SPIDR: variants seen among roughly 807,000 people sequenced by gnomAD.
SPIDR encodes scaffold protein involved in DNA repair.
Under a neutral mutation model 104.6 loss-of-function variants are expected in SPIDR, and 93 were observed. The observed-to-expected ratio is 0.89, with a 90% CI of 0.75 to 1.06. SPIDR has a LOEUF of 1.06. Ranked by LOEUF, SPIDR falls within the 50% of genes least tolerant of loss-of-function variation. The pLI is 0.00. For missense variants in SPIDR, 1,154 were observed against 1,111.2 expected (o/e 1.04, Z -0.55); for synonymous variants, 431 against 416.9 (o/e 1.03, Z -0.41).
intron 11 of SPIDR, among the ~76,000 whole-genome samples, chr8:47,683,485 G>T (rs1425380369): frequency 1.3e-5 from 2 of 152,226 alleles, no homozygotes; most frequent in Non-Finnish European, 2.9e-5. Flanking sequence ...AAAGCGCTCA[G>T]AGTAAAATGA....
At chr8:47,407,427 C>T (rs1195860050) in intron 6 of SPIDR, among the ~76,000 whole-genome samples, 1 of 152,180 alleles carries the variant, frequency 6.6e-6, no homozygotes, top group Non-Finnish European at 1.5e-5. Context: ...GTGCTGAGCT[C>T]ATTGGGAGCT....
intron 6 of SPIDR, among the ~76,000 whole-genome samples, chr8:47,398,815 G>T (rs1448114789): frequency 6.6e-6 from 1 of 152,132 alleles, no homozygotes; most frequent in Non-Finnish European, 1.5e-5. Flanking sequence ...TGCCAAAGTT[G>T]GGGTGTGGAG....
chr8:47,497,616 T>C (rs954013484), intron 8 of SPIDR, among the ~76,000 whole-genome samples: 12 of 152,206 alleles, frequency 7.9e-5, no homozygotes, highest in African/African-American at 2.9e-4. Flanking sequence ...ATGGTCTGTT[T>C]GGGAGAATGT....
At chr8:47,493,732 CAATTCTTTAAG>C (rs965889247) in intron 8 of SPIDR, among the ~76,000 whole-genome samples, 2 of 152,054 alleles carry the variant, frequency 1.3e-5, no homozygotes, top group African/African-American at 4.8e-5. Flanking sequence ...CATCTAGTGA[CAATTCTTTAAG>C]AATACTTTTG....
At chr8:47,279,061 GT>G (rs1187275785) in intron 1 of SPIDR, among the ~76,000 whole-genome samples, 4,078 of 134,540 alleles carry the variant, frequency 0.03, 113 homozygotes, top group African/African-American at 0.087. Context: ...TCACTAAAAA[GT>G]TTTTTTTTTT....
At chr8:47,330,537 T>C (rs1246604435) in intron 5 of SPIDR, among the ~76,000 whole-genome samples, 1 of 152,190 alleles carries the variant, frequency 6.6e-6, no homozygotes, top group African/African-American at 2.4e-5. Context: ...CCCTAATCTC[T>C]CGAAACCACT....
intron 16 of SPIDR, among the ~76,000 whole-genome samples, chr8:47,714,878 A>G (rs1023963739): frequency 2.0e-5 from 3 of 152,148 alleles, no homozygotes; most frequent in Admixed American, 6.5e-5. Context: ...TTGGACATCA[A>G]TCTCTACTGA....
In SPIDR at chr8:47,396,575, C is replaced by T. The variant is rs782660975; in HGVS notation, c.725C>T (p.Thr242Ile). 1.2e-6 allele frequency: 2 copies of T among 1,614,104 alleles called. No individual in the cohort carries two copies. The highest frequency in any genetic ancestry group is 1.1e-5 in the South Asian group (1 of 91,066). The change falls in exon 6 of 20, where the codon ACA (threonine) becomes ATA (isoleucine). Residue 242 changes from threonine to isoleucine, a missense_variant. By Grantham distance (89) the Thr-to-Ile change is moderately conservative. Transcript: ENST00000297423. ...ATTTTGCATACACCTCAGAAACCCACAGCTAAGTTTCCCAGGACTCCAGAA... is the reference window on the plus strand; with the variant it reads ...ATTTTGCATACACCTCAGAAACCCATAGCTAAGTTTCCCAGGACTCCAGAA... ...ETILHTPQKP[T>I]AKFPRTPENS... is the part of the protein sequence containing the mutation.
At chr8:47,535,874 T>C (rs1488268036) in intron 8 of SPIDR, among the ~76,000 whole-genome samples, 3 of 152,020 alleles carry the variant, frequency 2.0e-5, no homozygotes, top group Non-Finnish European at 4.4e-5. Context: ...AGGGATGAAA[T>C]AAAGTTGTCC....
chr8:47,509,913 C>T (rs566356364), intron 8 of SPIDR, among the ~76,000 whole-genome samples: 31 of 152,236 alleles, frequency 2.0e-4, no homozygotes, highest in Admixed American at 1.4e-3. Flanking sequence ...ACATACCACA[C>T]ACATGCACAC....
chr8:47,654,240 A>G, intron 10 of SPIDR: 1 of 1,214,430 alleles, frequency 8.2e-7, no homozygotes, highest in Non-Finnish European at 1.1e-6. Flanking sequence ...AACAGGGTTT[A>G]AGAGACAGGT....
At chr8:47,623,675 C>A (rs1418950262) in intron 10 of SPIDR, among the ~76,000 whole-genome samples, 2 of 152,182 alleles carry the variant, frequency 1.3e-5, no homozygotes, top group Non-Finnish European at 2.9e-5. Flanking sequence ...ATCAATTAAA[C>A]AAGAAGAACT....
chr8:47,262,837 A>T (rs2154208988), intron 1 of SPIDR, among the ~76,000 whole-genome samples: 1 of 152,272 alleles, frequency 6.6e-6, no homozygotes, highest in Middle Eastern at 3.4e-3. Context: ...TCAGTCTCAA[A>T]AGTACTTAAT....
chr8:47,404,724 G>A (rs1447398482), intron 6 of SPIDR, among the ~76,000 whole-genome samples: 1 of 144,484 alleles, frequency 6.9e-6, no homozygotes, highest in Non-Finnish European at 1.5e-5. Context: ...AGGATGTGGA[G>A]AGAAATAGGA....
At chr8:47,396,707 A>G (rs1171700617) in intron 6 of SPIDR, 81 bp downstream of exon 6, 27 of 1,368,462 alleles carry the variant, frequency 2.0e-5, no homozygotes, top group Non-Finnish European at 2.6e-5. Flanking sequence ...GTTAATTTTA[A>G]GATACTTGTA....
chr8:47,630,558 G>T (rs550571198), intron 10 of SPIDR, among the ~76,000 whole-genome samples: 1 of 152,288 alleles, frequency 6.6e-6, no homozygotes, highest in African/African-American at 2.4e-5. Context: ...AAATACTACT[G>T]TTTACTGTCC....
In SPIDR at chr8:47,703,366, T is replaced by C. The variant is rs180830944; in HGVS notation, c.1977+1351T>C. Among the ~76,000 whole-genome samples the C allele has an allele frequency of 2.2e-4, 34 of 152,382 alleles. 1 individual carries two copies. Among genetic ancestry groups the C allele is most frequent in the Admixed American group, 2.1e-3 (32 of 15,308 alleles). On this transcript the variant is annotated intron_variant, in intron 14 of 19. Transcript: ENST00000297423. Reference sequence around the variant, plus strand: ...AACTTCTAGTCAAGTTCTTGATGAATTGCATATATACGAGTATCATTAAAT... The same window carrying C: ...AACTTCTAGTCAAGTTCTTGATGAACTGCATATATACGAGTATCATTAAAT...
chr8:47,733,168 C>A (rs1359295910), intron 19 of SPIDR, among the ~76,000 whole-genome samples: 1 of 152,206 alleles, frequency 6.6e-6, no homozygotes, highest in East Asian at 1.9e-4. Flanking sequence ...GGGCAGATCA[C>A]CTGAGGTCAA....
chr8:47,654,725 A>G (rs1041552104), intron 10 of SPIDR, among the ~76,000 whole-genome samples: 1 of 152,066 alleles, frequency 6.6e-6, no homozygotes, highest in African/African-American at 2.4e-5. Context: ...CATGATATAT[A>G]TGTTCTTTTT....
Sources: allele counts gnomAD v4.1 joint callset (sites outside exome capture counted in the v4.1 genomes callset), GRCh38; gene constraint gnomAD v4.1.1; transcripts MANE v1.5; gene names NCBI Gene and HGNC (gene_info 2026-07-23, HGNC 2026-07-21).